QPCTL: variants seen among roughly 807,000 people sequenced by gnomAD.
The protein encoded by QPCTL is glutaminyl-peptide cyclotransferase like.
Under a neutral mutation model 34.6 loss-of-function variants are expected in QPCTL, and 31 were observed. The observed-to-expected ratio is 0.90, with a 90% CI of 0.67 to 1.21. The LOEUF (loss-of-function observed/expected upper bound fraction) is 1.21. Ranked by LOEUF, QPCTL falls within the 50% of genes most tolerant of loss-of-function variation. The pLI is 0.00. For synonymous variants in QPCTL, 223 were observed against 226.9 expected (o/e 0.98, Z 0.15); for missense variants, 474 against 507.8 (o/e 0.93, Z 0.64).
chr19:45,699,711 A>C (rs1197839251), intron 5 of QPCTL, among the ~76,000 whole-genome samples: 1 of 151,992 alleles, frequency 6.6e-6, no homozygotes, highest in Non-Finnish European at 1.5e-5. Flanking sequence ...CGGGTGGATC[A>C]CCTGAGGTTA....
At chr19:45,702,796 C>G in intron 6 of QPCTL, 108 bp from the exon 7 acceptor site, 1 of 1,275,074 alleles carries the variant, frequency 7.8e-7, no homozygotes, top group Admixed American at 2.0e-5. Context: ...AACATAGTAT[C>G]TTTCACCAGT....
intron 5 of QPCTL, among the ~76,000 whole-genome samples, chr19:45,701,119 C>T (rs913222481): frequency 1.3e-5 from 2 of 151,570 alleles, no homozygotes; most frequent in South Asian, 2.1e-4. Flanking sequence ...CACGCGCACA[C>T]ACACACACAC....
chr19:45,694,256 G>A (rs534248425), intron 2 of QPCTL, among the ~76,000 whole-genome samples: 10 of 151,976 alleles, frequency 6.6e-5, no homozygotes, highest in South Asian at 2.1e-4. Context: ...GTGGGTACCC[G>A]TAGTCCCAGC....
At chr19:45,702,229 C>T (rs1029610165) in intron 6 of QPCTL, among the ~76,000 whole-genome samples, 15 of 147,414 alleles carry the variant, frequency 1.0e-4, no homozygotes, top group Admixed American at 3.4e-4. Flanking sequence ...AGCGGGGTGG[C>T]GGGGGGGGAT....
chr19:45,703,142 G>C lies in QPCTL; in HGVS notation c.*93G>C. The stretch of plus-strand genomic sequence containing the variant: ...AGGCAGGATCTGCCTAGGGTGTGCT[G>C]GTTTGTCCTTTTCATACCTTTGTCT... On this transcript the variant is annotated 3_prime_UTR_variant, in exon 7 of 7. Coordinates refer to ENST00000012049, the MANE Select transcript of QPCTL (RefSeq NM_017659.4). 2 of 1,492,014 alleles carry C rather than the reference G, an allele frequency of 1.3e-6. No individual in the cohort carries two copies. The highest frequency in any genetic ancestry group is 4.6e-5 in the East Asian group (2 of 43,212). The allele number at this position is 1,492,014 out of a possible 1,614,324, so 92.4% of individuals were successfully genotyped here. A position where few individuals can be genotyped will look rare whatever the true frequency, so the allele number is the denominator to read the frequency against.
rs200425454 is a variant in QPCTL, at chr19:45,698,264, C to A, written c.634-283C>A. Among the ~76,000 whole-genome samples, 60 of 144,868 alleles carry A rather than the reference C, an allele frequency of 4.1e-4. No homozygotes were observed. In the East Asian group the frequency reaches 5.6e-3, roughly 14 times the overall value. Reference sequence around the variant, plus strand: ...GATTTATTCTAAAAAAAACAAAAAACAAAAAAAAAACAAAAAACCTCTTAT... The same window carrying A: ...GATTTATTCTAAAAAAAACAAAAAAAAAAAAAAAAACAAAAAACCTCTTAT... On this transcript the variant is annotated intron_variant, in intron 3 of 6. Transcript: ENST00000012049.
intron 5 of QPCTL, among the ~76,000 whole-genome samples, chr19:45,699,248 G>C (rs1967766633): frequency 6.6e-6 from 1 of 151,746 alleles, no homozygotes; most frequent in Non-Finnish European, 1.5e-5. Context: ...GGCCAAGCTG[G>C]TCTTGAACTC....
intron 3 of QPCTL, 130 bp downstream of exon 3, chr19:45,695,848 CTT>C (rs34362798): frequency 0.084 from 68,351 of 816,284 alleles, no homozygotes; most frequent in East Asian, 0.14. Flanking sequence ...CCACAGGGAT[CTT>C]TTTTTTTTTT....
intron 2 of QPCTL, 39 bp from the exon 3 acceptor site, chr19:45,695,398 C>G: frequency 6.4e-7 from 1 of 1,572,700 alleles, no homozygotes; most frequent in Middle Eastern, 1.9e-4. Context: ...ACCTCCTCCC[C>G]AGTCCCCGTC....
chr19:45,700,884 G>C (rs558102267), intron 5 of QPCTL, among the ~76,000 whole-genome samples: 1 of 151,222 alleles, frequency 6.6e-6, no homozygotes, highest in Non-Finnish European at 1.5e-5. Flanking sequence ...GCTTGAACCC[G>C]GGAGGCGGAG....
intron 1 of QPCTL, 26 bp downstream of exon 1, chr19:45,692,936 C>T: frequency 6.5e-7 from 1 of 1,526,930 alleles, no homozygotes; most frequent in Admixed American, 2.0e-5. Context: ...GACCCGGGCA[C>T]CGCGGGGACC....
chr19:45,692,714 G>A lies in QPCTL; in HGVS notation c.11G>A (p.Gly4Glu). 3 of 1,549,446 alleles carry A rather than the reference G, an allele frequency of 1.9e-6. No homozygotes were observed. The highest frequency in any genetic ancestry group is 2.6e-6 in the Non-Finnish European group (3 of 1,146,616). Residue 4 changes from glycine (G) to glutamate (E), a missense_variant, in exon 1 of 7, where the codon GGG becomes GAG. Gly to Glu is a moderately conservative substitution (Grantham distance 98). Coordinates refer to ENST00000012049, the MANE Select transcript of QPCTL (RefSeq NM_017659.4). MRS[G>E]GRGRPRLRLG... ...CAGGGCAAAGCGGCCATGCGTTCCG[G>A]GGGCCGCGGGCGACCCCGCCTGCGG...
chr19:45,701,769 C>A (rs905507536), intron 5 of QPCTL, 29 bp from the exon 6 acceptor site: 8 of 1,557,654 alleles, frequency 5.1e-6, no homozygotes, highest in African/African-American at 1.4e-5. Flanking sequence ...AAGGACTAAC[C>A]CTTCCTCTCT....
intron 6 of QPCTL, 45 bp downstream of exon 6, chr19:45,701,959 C>T: frequency 6.6e-7 from 1 of 1,514,514 alleles, no homozygotes; most frequent in Non-Finnish European, 9.1e-7. Flanking sequence ...CCAAGGAAGC[C>T]ACAAATTGGA....
chr19:45,695,393 C>CAA, intron 2 of QPCTL, 44 bp from the exon 3 acceptor site: 1 of 1,557,118 alleles, frequency 6.4e-7, no homozygotes, highest in Admixed American at 1.7e-5. Context: ...TCCCCACCTC[C>CAA]TCCCCAGTCC....
chr19:45,696,060 A>G (rs960522245), intron 3 of QPCTL, among the ~76,000 whole-genome samples: 1 of 151,818 alleles, frequency 6.6e-6, no homozygotes, highest in African/African-American at 2.4e-5. Flanking sequence ...TACCTTCTAG[A>G]TGTCAGATTC....
chr19:45,701,585 T>C (rs1016009024), intron 5 of QPCTL, among the ~76,000 whole-genome samples: 2 of 152,060 alleles, frequency 1.3e-5, no homozygotes, highest in African/African-American at 4.8e-5. Context: ...CACAAGATCT[T>C]GTCTCAAAAA....
At position 45,692,917 on chromosome 19, in the gene QPCTL, C is replaced by T; in HGVS notation, c.207+7C>T. 3 of 1,534,406 alleles carry T rather than the reference C, an allele frequency of 2.0e-6. No individual in the cohort carries two copies. The highest frequency in any genetic ancestry group is 4.9e-5 in the East Asian group (2 of 40,816). On this transcript the variant is annotated splice_region_variant and intron_variant, in intron 1 of 6. Transcript: ENST00000012049. ...GCTGGGCCGGGAGCTGCGGGTGAGGCTGGGCGGGGACCCGGGCACCGCGGG... is the reference window on the plus strand; with the variant it reads ...GCTGGGCCGGGAGCTGCGGGTGAGGTTGGGCGGGGACCCGGGCACCGCGGG...
chr19:45,701,121 CACACA>C (rs386809782), intron 5 of QPCTL, among the ~76,000 whole-genome samples: 4 of 151,896 alleles, frequency 2.6e-5, no homozygotes, highest in African/African-American at 9.7e-5. Flanking sequence ...CGCGCACACA[CACACA>C]CACACACAAT....
Sources: gnomAD v4.1 joint callset for allele counts (sites outside exome capture counted in the v4.1 genomes callset) on GRCh38, gnomAD v4.1.1 for gene constraint, MANE v1.5 for transcripts, NCBI Gene and HGNC (gene_info 2026-07-23, HGNC 2026-07-21) for gene names.